MYH6: variants seen among roughly 807,000 people sequenced by gnomAD.
MYH6 encodes myosin-6.
A neutral mutation model predicts 223.2 loss-of-function variants in MYH6; 126 were observed. The ratio of observed to expected loss-of-function variants is 0.56; its 90% CI spans 0.49 to 0.65. The LOEUF (loss-of-function observed/expected upper bound fraction) is 0.65. Among genes scored for constraint, MYH6 ranks in the 30% least tolerant of loss-of-function variants. The probability of loss-of-function intolerance (pLI) is 0.00; values close to 1 mark genes in which losing one functional copy is unlikely to be tolerated. For synonymous variants in MYH6, 978 were observed against 1,010.2 expected, an observed-to-expected ratio of 0.97 and a Z score of 0.61; for missense variants, 2,040 against 2,536.4, an observed-to-expected ratio of 0.80 and a Z score of 4.20.
Position 23,396,672 on chromosome 14 carries a change from C to T in MYH6, c.2292+22G>A, listed in dbSNP as rs1299586733. The T allele has an allele frequency of 1.9e-6, 3 of 1,613,924 alleles. No individual in the cohort carries two copies. The African/African-American group carries it at 4.0e-5, about 22-fold the overall frequency. On this transcript the variant is annotated intron_variant, in intron 19 of 38. Coordinates refer to ENST00000405093, the MANE Select transcript of MYH6 (RefSeq NM_002471.4). The stretch of plus-strand genomic sequence containing the variant: ...AACATGGCCACCTGCCCTGCAACCA[C>T]CCAGTGGGGCTCTAGACTCACCTTG...
At chr14:23,396,456 T>A in intron 19 of MYH6, 36 bp from the exon 20 acceptor site, 1 of 1,611,150 alleles carries the variant, frequency 6.2e-7, no homozygotes, top group Non-Finnish European at 8.5e-7. Flanking sequence ...GGCCGCAGCC[T>A]CAGAGGGGAG....
At position 23,398,780 on chromosome 14, in the gene MYH6, G is replaced by C. The variant is rs138984258; in HGVS notation, c.1839C>G (p.Ser613=). The change falls in exon 15 of 39, where the codon TCC becomes TCG. Residue 613 remains serine (S), a synonymous_variant. Coordinates refer to ENST00000405093, the MANE Select transcript of MYH6 (RefSeq NM_002471.4). ...AGAGAGTGGCCATGAGCTTGAGGGAGGACTTCTGGTACAGGGCCACAACAG... is the reference window on the plus strand; with the variant it reads ...AGAGAGTGGCCATGAGCTTGAGGGACGACTTCTGGTACAGGGCCACAACAG... The part of the protein sequence containing the change: ...NETVVALYQK[S]SLKLMATLFS... The C allele has an allele frequency of 5.5e-5, 88 of 1,614,188 alleles. No individual in the cohort carries two copies. In the African/African-American group the frequency reaches 1.0e-3, roughly 19 times the overall value.
rs1891073004 is a variant in MYH6, at chr14:23,387,653, T to A, written c.4526A>T (p.Glu1509Val). The A allele has an allele frequency of 1.9e-6, 3 of 1,614,098 alleles. No homozygotes were observed. The East Asian group carries it at 6.7e-5, about 36-fold the overall frequency. ...CTGCTCAGTAAGGTCCGAGATTTCC[T>A]CTGGGGACCAGAGGGCCAGAAAGCT... is the stretch of plus-strand genomic sequence containing the variant. ...TFKRENKNLQ[E>V]EISDLTEQLG... Residue 1509 changes from glutamate to valine, a missense_variant and splice_region_variant, in exon 32 of 39, where the codon GAG (glutamate) becomes GTG (valine). Around this residue, in one of 4 missense-constraint regions of MYH6, gnomAD observed 1,203 missense variants for 1,400.2 expected, o/e 0.86. Transcript: ENST00000405093.
At chr14:23,393,200 A>T (rs530434337) in intron 23 of MYH6, 142 bp downstream of exon 23, 3 of 1,465,004 alleles carry the variant, frequency 2.0e-6, no homozygotes, top group Non-Finnish European at 2.8e-6. Flanking sequence ...GGATTCAGAG[A>T]CCTACTGTAG....
At chr14:23,399,581 T>TGCACAA (rs1891535396) in intron 14 of MYH6, 1 of 195,250 alleles carries the variant, frequency 5.1e-6, no homozygotes, top group African/African-American at 2.3e-5. Context: ...CACACACACA[T>TGCACAA]GCACAAGCAC....
Position 23,400,733 on chromosome 14 carries a change from G to A in MYH6, c.1386C>T (p.Asp462=). Residue 462 remains aspartate, a synonymous_variant, in exon 13 of 39, where the codon GAC becomes GAT. Coordinates refer to ENST00000405093, the MANE Select transcript of MYH6 (RefSeq NM_002471.4). ...CGTCGAAGATCTCGAAGCCAGCGAT[G>A]TCCAGGACTCCTATGAAGTACTGGC... is the stretch of plus-strand genomic sequence containing the variant. ...QPRQYFIGVL[D]IAGFEIFDFN... 6.2e-7 allele frequency: 1 copy of A among 1,614,252 alleles called. No individual in the cohort carries two copies. The highest frequency in any genetic ancestry group is 1.1e-5 in the South Asian group (1 of 91,088).
At chr14:23,406,597 C>A (rs1456183867) in intron 3 of MYH6, among the ~76,000 whole-genome samples, 1 of 152,150 alleles carries the variant, frequency 6.6e-6, no homozygotes, top group East Asian at 1.9e-4. Context: ...TCAAAAGTTT[C>A]TGATCTTTGT....
chr14:23,400,198 C>T, intron 14 of MYH6, 58 bp downstream of exon 14: 1 of 1,613,630 alleles, frequency 6.2e-7, no homozygotes, highest in Non-Finnish European at 8.5e-7. Context: ...AGGGACTCAG[C>T]CACCACTTTG....
At chr14:23,386,660 A>C in intron 32 of MYH6, 37 bp from the exon 33 acceptor site, 6 of 1,588,322 alleles carry the variant, frequency 3.8e-6, no homozygotes, top group Non-Finnish European at 5.1e-6. Flanking sequence ...CAGACAGGGC[A>C]CAGGGCAGGG....
Position 23,408,251 on chromosome 14 carries a change from A to T in MYH6, c.-47+2T>A, listed in dbSNP as rs1263620222. 6 of 985,312 alleles carry T rather than the reference A, an allele frequency of 6.1e-6. No individual in the cohort carries two copies. In the African/African-American group the frequency reaches 1.0e-4, roughly 17 times the overall value. 61.0% of individuals were successfully genotyped at this position (985,312 alleles called of 1,614,324 possible). On this transcript the variant is annotated splice_donor_variant, in intron 1 of 38. Transcript: ENST00000405093. LOFTEE classifies it low-confidence loss of function (5UTR_SPLICE). ...GGCATCCCACCCCAAACCTCCTCTT[A>T]CCTGGGCCGCAGGAGTCTCTCTATC...
chr14:23,383,339 G>GGGGGGGCCCCCCCCC lies in MYH6; in HGVS notation c.5566-20_5566-19insGGGGGGGGGCCCCCC. 4.6e-5 allele frequency: 5 copies of GGGGGGGCCCCCCCCC among 108,140 alleles called. No homozygotes were observed. The East Asian group carries it at 6.8e-4, about 15-fold the overall frequency. The allele number at this position is 108,140 out of a possible 1,614,324, so 6.7% of individuals were successfully genotyped here. On this transcript the variant is annotated intron_variant, in intron 36 of 38. Coordinates refer to ENST00000405093, the MANE Select transcript of MYH6 (RefSeq NM_002471.4). ...CCTCTGTCTGGGGGTGGGAGGGTGG[G>GGGGGGGCCCCCCCCC]AGAAGCTGGTTTGGAGGGGGAGCAA...
chr14:23,405,912 G>A lies in MYH6; in HGVS notation c.202-142C>T, dbSNP rs541643221. On this transcript the variant is annotated intron_variant, in intron 3 of 38. Transcript: ENST00000405093. This position sits in a 1 kb window ranked among gnomAD's most constrained non-coding sequence, Gnocchi z 4.7. ...TGACCAGTGCCCCGGCCCCTACCCC[G>A]ATGTCCCCTGGGACACTTTCCCCAG... 1.0e-4 allele frequency: 102 copies of A among 983,926 alleles called. No homozygotes were observed. The highest frequency in any genetic ancestry group is 7.3e-4 in the Admixed American group (38 of 51,748). The allele number at this position is 983,926 out of a possible 1,614,324, so 60.9% of individuals were successfully genotyped here.
intron 25 of MYH6, among the ~76,000 whole-genome samples, chr14:23,390,839 C>T (rs992165522): frequency 9.2e-5 from 14 of 152,102 alleles, no homozygotes; most frequent in South Asian, 4.2e-4. Flanking sequence ...GGCTCTGTTG[C>T]GCTATTCATA....
chr14:23,394,616 A>G (rs186229905), intron 20 of MYH6, among the ~76,000 whole-genome samples: 1 of 152,212 alleles, frequency 6.6e-6, no homozygotes, highest in Admixed American at 6.5e-5. Context: ...GTTAAAAATT[A>G]TGTAGGGGTT....
chr14:23,408,211 G>T, intron 1 of MYH6, 42 bp downstream of exon 1: 2 of 985,044 alleles, frequency 2.0e-6, no homozygotes, highest in Non-Finnish European at 2.4e-6. Context: ...TGGGGGCTCT[G>T]TGGACGGGCT....
At chr14:23,399,079 C>G in intron 14 of MYH6, 42 bp from the exon 15 acceptor site, 1 of 1,607,498 alleles carries the variant, frequency 6.2e-7, no homozygotes, top group South Asian at 1.1e-5. Context: ...TCACTGAGCA[C>G]ACTCCCAGGC....
chr14:23,403,514 A>C (rs1293776348), intron 9 of MYH6, 68 bp from the exon 10 acceptor site: 2 of 1,424,252 alleles, frequency 1.4e-6, no homozygotes, highest in Admixed American at 1.7e-5. Flanking sequence ...AAAGGTGGCC[A>C]TGGGGGCAGA....
Position 23,394,101 on chromosome 14 carries a change from C to T in MYH6, c.2652G>A (p.Gln884=), listed in dbSNP as rs1891322396. 6.2e-7 allele frequency: 1 copy of T among 1,614,066 alleles called. No individual in the cohort carries two copies. Among genetic ancestry groups the T allele is most frequent in the Non-Finnish European group, 8.5e-7 (1 of 1,180,050 alleles). Residue 884 remains glutamine (Q), a synonymous_variant, in exon 21 of 39, where the codon CAG becomes CAA. Coordinates refer to ENST00000405093, the MANE Select transcript of MYH6 (RefSeq NM_002471.4). The stretch of plus-strand genomic sequence containing the variant: ...CTTGGAGCTGCAGGTCATTCTTCTC[C>T]TGCAGCAGGGACACCATCTTCTCCT... ...ELEEKMVSLL[Q]EKNDLQLQVQ...
chr14:23,393,574 C>T (rs554381670), intron 22 of MYH6, 56 bp from the exon 23 acceptor site: 1 of 1,614,042 alleles, frequency 6.2e-7, no homozygotes, highest in Non-Finnish European at 8.5e-7. Context: ...CTGGAGACAT[C>T]TATGGGGACC....
Sources: gnomAD v4.1 joint callset for allele counts (sites outside exome capture counted in the v4.1 genomes callset) on GRCh38, gnomAD v4.1.1 for gene constraint, gnomAD v4.1.1 regional missense constraint, Gnocchi (gnomAD v3.1) non-coding constraint, MANE v1.5 for transcripts, NCBI Gene and HGNC (gene_info 2026-07-23, HGNC 2026-07-21) for gene names.